Variants in SCN9A observed in about 807,000 individuals in gnomAD.
SCN9A encodes sodium channel protein type 9 subunit alpha.
In SCN9A, 131 loss-of-function variants were observed where a neutral mutation model predicts 187.0. The ratio of observed to expected loss-of-function variants is 0.70; its 90% CI spans 0.61 to 0.81. The LOEUF is 0.81. Ranked by LOEUF, SCN9A falls within the 30% of genes least tolerant of loss-of-function variation. The pLI is 0.00. For missense variants in SCN9A, 2,252 were observed against 2,396.6 expected, an observed-to-expected ratio of 0.94 and a Z score of 1.26; for synonymous variants, 809 against 808.6, an observed-to-expected ratio of 1.00 and a Z score of -0.01.
chr2:166,282,325 A>T (rs1697525999), intron 12 of SCN9A, among the ~76,000 whole-genome samples: 1 of 152,206 alleles, frequency 6.6e-6, no homozygotes, highest in Non-Finnish European at 1.5e-5. Flanking sequence ...GGAAGACCTC[A>T]TGAACTGAGC....
At chr2:166,229,098 C>T (rs1240874919) in intron 21 of SCN9A, 126 bp from the exon 22 acceptor site, 1 of 690,322 alleles carries the variant, frequency 1.4e-6, no homozygotes, top group African/African-American at 1.8e-5. Context: ...AGACATCAAA[C>T]CAACCAGCCG....
chr2:166,238,391 C>T (rs1695415622), intron 19 of SCN9A, 124 bp from the exon 20 acceptor site: 3 of 673,738 alleles, frequency 4.5e-6, no homozygotes. Flanking sequence ...CATGGGCCAG[C>T]TGACATTTTT....
At chr2:166,225,244 A>T (rs138402843) in intron 24 of SCN9A, among the ~76,000 whole-genome samples, 2 of 152,082 alleles carry the variant, frequency 1.3e-5, no homozygotes, top group African/African-American at 2.4e-5. Context: ...TGGGTTAGCC[A>T]TTCTTTTGCC....
chr2:166,375,557 C>T (rs1011420326), intron 1 of SCN9A, 140 bp downstream of exon 1: 1 of 152,304 alleles, frequency 6.6e-6, no homozygotes, highest in Non-Finnish European at 1.5e-5. Context: ...TCTCTTCTTT[C>T]CAGGTGGCGT....
At chr2:166,222,942 C>CA (rs1558960810) in intron 24 of SCN9A, among the ~76,000 whole-genome samples, 3 of 55,294 alleles carry the variant, frequency 5.4e-5, no homozygotes, top group African/African-American at 1.6e-4. Context: ...AAAAAAAAAA[C>CA]AACAAAAAAA....
chr2:166,238,516 A>G (rs1695420527), intron 19 of SCN9A, among the ~76,000 whole-genome samples: 1 of 152,138 alleles, frequency 6.6e-6, no homozygotes, highest in Admixed American at 6.5e-5. Context: ...AATCCACAAA[A>G]AGACTCATGA....
rs746774865 is a variant in SCN9A at position 166,226,632 on chromosome 2, AC to A, written c.4332del (p.Ser1445HisfsTer5). The A allele has an allele frequency of 6.3e-7, 1 of 1,591,272 alleles. No homozygotes were observed. The highest frequency in any genetic ancestry group is 2.3e-5 in the East Asian group (1 of 44,290). On this transcript the variant is annotated frameshift_variant, in exon 24 of 27. Coordinates refer to ENST00000642356, the MANE Select transcript of SCN9A (RefSeq NM_001365536.1). LOFTEE classifies it high-confidence loss of function. ...YIYFVVFIIF[G>X]SFFTLNLFIG... ...ATGAACAAGTTCAAAGTGAAGAATGACCCAAAGATGATAAAGACGACAAAAT... is the reference window on the plus strand; with the variant it reads ...ATGAACAAGTTCAAAGTGAAGAATGACCAAAGATGATAAAGACGACAAAAT...
intron 1 of SCN9A, among the ~76,000 whole-genome samples, chr2:166,337,566 CA>C (rs1699659630): frequency 6.6e-6 from 1 of 151,936 alleles, no homozygotes; most frequent in Admixed American, 6.6e-5. Flanking sequence ...CATGGCAAAA[CA>C]GCTTGAATGG....
chr2:166,236,206 A>G (rs972931983), intron 20 of SCN9A, among the ~76,000 whole-genome samples: 3 of 152,114 alleles, frequency 2.0e-5, no homozygotes, highest in East Asian at 1.9e-4. Context: ...TTCATTTTTT[A>G]GGCAGTAACT....
chr2:166,248,423 A>C (rs1468183216), intron 18 of SCN9A: 1 of 152,106 alleles, frequency 6.6e-6, no homozygotes, highest in African/African-American at 2.4e-5. Context: ...TATACTCAGC[A>C]TGTCACACCC....
At chr2:166,237,291 A>G (rs1316671418) in intron 20 of SCN9A, among the ~76,000 whole-genome samples, 1 of 151,858 alleles carries the variant, frequency 6.6e-6, no homozygotes, top group East Asian at 1.9e-4. Flanking sequence ...CTCACCGACT[A>G]TTTTAAGATT....
intron 18 of SCN9A, among the ~76,000 whole-genome samples, chr2:166,246,525 A>G (rs1007423326): frequency 6.6e-6 from 1 of 152,042 alleles, no homozygotes; most frequent in African/African-American, 2.4e-5. Flanking sequence ...CTCTAAGTTA[A>G]TCTTTTTCAG....
Position 166,281,810 on chromosome 2 carries a change from TA to T in SCN9A, c.1975-3del, listed in dbSNP as rs35888674. The T allele has an allele frequency of 5.0e-3, 6,821 of 1,374,896 alleles. 24 individuals carry two copies. Among genetic ancestry groups the T allele is most frequent in the South Asian group, 0.028 (2,032 of 72,156 alleles). 85.2% of individuals were successfully genotyped at this position (1,374,896 alleles called of 1,614,324 possible). A position where few individuals can be genotyped will look rare whatever the true frequency, so the allele number is the denominator to read the frequency against. On this transcript the variant is annotated splice_polypyrimidine_tract_variant and splice_region_variant and intron_variant, in intron 12 of 26. Coordinates refer to ENST00000642356, the MANE Select transcript of SCN9A (RefSeq NM_001365536.1). ...CTTGTGTATTTGATTGGTCGTGCCC[TA>T]AAAAAAAAATCAATTAATGTCTTAA...
rs200879772 is a variant in SCN9A, at chr2:166,280,563, A to T, written c.2137T>A (p.Trp713Arg). The T allele has an allele frequency of 6.3e-6, 10 of 1,586,986 alleles. No individual in the cohort carries two copies. Among genetic ancestry groups the T allele is most frequent in the Admixed American group, 1.8e-5 (1 of 56,588 alleles). Residue 713 changes from tryptophan to arginine, a missense_variant, in exon 14 of 27, where the codon TGG (tryptophan) becomes AGG (arginine). Physicochemically the swap from Trp to Arg is moderately radical, Grantham distance 101. Around this residue, in one of 7 missense-constraint regions of SCN9A, gnomAD observed 1,013 missense variants for 997.4 expected, o/e 1.02. Transcript: ENST00000642356. ...AATTTGTGTGCAAATCTGTACCACC[A>T]AGGTGGACATTTTTGTCTGGACTCT... is the stretch of plus-strand genomic sequence containing the variant. ...LEESRQKCPPWWYRFAHKFLI... is the reference protein window; with the variant it reads ...LEESRQKCPPRWYRFAHKFLI...
chr2:166,204,207 T>C lies in SCN9A; in HGVS notation c.4522A>G (p.Ile1508Val), dbSNP rs1268484614. 6.2e-7 allele frequency: 1 copy of C among 1,611,464 alleles called. No homozygotes were observed. Among genetic ancestry groups the C allele is most frequent in the East Asian group, 2.2e-5 (1 of 44,754 alleles). The change falls in exon 26 of 27, where the codon ATA becomes GTA. Residue 1508 changes from isoleucine (I) to valine (V), a missense_variant. Coordinates refer to ENST00000642356, the MANE Select transcript of SCN9A (RefSeq NM_001365536.1). ...PRPGNKIQGC[I>V]FDLVTNQAFD... ...GCTTGATTTGTCACTAGGTCAAATATACATCCTTGGATTTTGTTCTGCAAA... is the reference window on the plus strand; with the variant it reads ...GCTTGATTTGTCACTAGGTCAAATACACATCCTTGGATTTTGTTCTGCAAA...
At position 166,238,148 on chromosome 2, in the gene SCN9A, ACCATATGCTAT is replaced by A; in HGVS notation, c.3736_3746del (p.Ile1246LeufsTer2). On this transcript the variant is annotated frameshift_variant, in exon 20 of 27. Coordinates refer to ENST00000642356, the MANE Select transcript of SCN9A (RefSeq NM_001365536.1). LOFTEE classifies it high-confidence loss of function. Reference sequence around the variant, plus strand: ...AGGCATTGGTGAAATATGTTTTATAACCATATGCTATCCATTTTAGAAGCATTTCCAGAATG... The same window carrying A: ...AGGCATTGGTGAAATATGTTTTATAACCATTTTAGAAGCATTTCCAGAATG... 3.7e-6 allele frequency: 6 copies of A among 1,611,358 alleles called. No homozygotes were observed. The highest frequency in any genetic ancestry group is 5.1e-6 in the Non-Finnish European group (6 of 1,178,492).
At position 166,308,795 on chromosome 2, in the gene SCN9A, G is replaced by A. The variant is rs189539871; in HGVS notation, c.259-1721C>T. 3.4e-4 allele frequency among the ~76,000 whole-genome samples: 52 copies of A among 151,706 alleles called. No homozygotes were observed. The East Asian group carries it at 9.2e-3, about 27-fold the overall frequency. On this transcript the variant is annotated intron_variant, in intron 2 of 26. Transcript: ENST00000642356. ...AACAAAATTAGCCAGGTGTGGTGGC[G>A]GGTACCTGTAGTCCCAGCTACCCTG...
chr2:166,336,011 G>A (rs1699617346), intron 1 of SCN9A, among the ~76,000 whole-genome samples: 2 of 152,054 alleles, frequency 1.3e-5, no homozygotes, highest in South Asian at 4.1e-4. Flanking sequence ...GGTAGGATGT[G>A]AATAGATTAT....
intron 24 of SCN9A, among the ~76,000 whole-genome samples, chr2:166,214,417 C>T (rs909043096): frequency 8.6e-5 from 13 of 152,024 alleles, no homozygotes; most frequent in Non-Finnish European, 1.5e-4. Flanking sequence ...AAGAATAAAC[C>T]TTCTTCAGCC....
Sources: gnomAD v4.1 joint callset for allele counts (sites outside exome capture counted in the v4.1 genomes callset) on GRCh38, gnomAD v4.1.1 for gene constraint, gnomAD v4.1.1 regional missense constraint, MANE v1.5 for transcripts, NCBI Gene and HGNC (gene_info 2026-07-23, HGNC 2026-07-21) for gene names.